The following MCTP1 variants were observed in gnomAD, a reference collection of about 807,000 sequenced individuals.
MCTP1 encodes multiple C2 and transmembrane domain-containing protein 1.
MCTP1 carries 69 observed loss-of-function variants against 120.6 expected under a neutral mutation model. That is an observed-to-expected ratio of 0.57 (90% CI 0.47 to 0.70). The LOEUF is 0.70. Among genes scored for constraint, MCTP1 ranks in the 30% least tolerant of loss-of-function variants. MCTP1 has a pLI of 0.00. For synonymous variants in MCTP1, 529 were observed against 493.1 expected (o/e 1.07, Z -0.96); for missense variants, 1,203 against 1,248.8 (o/e 0.96, Z 0.55).
chr5:94,809,860 G>C (rs1004180347), intron 17 of MCTP1, among the ~76,000 whole-genome samples: 1 of 151,936 alleles, frequency 6.6e-6, no homozygotes, highest in African/African-American at 2.4e-5. Context: ...CTAGTGCCCC[G>C]TTTTCCCAGG....
intron 1 of MCTP1, among the ~76,000 whole-genome samples, chr5:95,129,746 G>A (rs951932600): frequency 8.6e-5 from 13 of 151,858 alleles, no homozygotes; most frequent in African/African-American, 2.9e-4. Context: ...TGCAACCTCC[G>A]CCTTCTGGGT....
At chr5:94,867,506 G>A (rs159034) in intron 17 of MCTP1, 201,699 of 622,276 alleles carry the variant, frequency 0.32, 33,279 homozygotes, top group Non-Finnish European at 0.35. Flanking sequence ...TAATAAAGTC[G>A]TATTCTGCTA....
intron 18 of MCTP1, among the ~76,000 whole-genome samples, chr5:94,787,055 G>C (rs935777415): frequency 6.6e-6 from 1 of 152,090 alleles, no homozygotes; most frequent in Non-Finnish European, 1.5e-5. Flanking sequence ...CCTCTTACCC[G>C]ACATCCTGAG....
chr5:94,830,188 G>A (rs995456592), intron 17 of MCTP1, among the ~76,000 whole-genome samples: 1 of 152,074 alleles, frequency 6.6e-6, no homozygotes, highest in African/African-American at 2.4e-5. Flanking sequence ...TATTTTTCTG[G>A]CCACAGACCA....
chr5:95,113,706 T>G (rs892431288), intron 1 of MCTP1, among the ~76,000 whole-genome samples: 1 of 152,164 alleles, frequency 6.6e-6, no homozygotes, highest in Admixed American at 6.5e-5. Context: ...AAAGGCATTG[T>G]AGGCCACAAG....
At chr5:95,121,324 C>T (rs1192800273) in intron 1 of MCTP1, among the ~76,000 whole-genome samples, 1 of 113,742 alleles carries the variant, frequency 8.8e-6, no homozygotes, top group African/African-American at 3.2e-5. Context: ...ACAAAATCAA[C>T]ATACAAAAAC....
chr5:94,708,221 T>C, intron 22 of MCTP1: 1 of 217,494 alleles, frequency 4.6e-6, no homozygotes, highest in Non-Finnish European at 9.0e-6. Flanking sequence ...TTTCCTCCCC[T>C]CAGGTCATAC....
intron 19 of MCTP1, among the ~76,000 whole-genome samples, chr5:94,725,871 A>G (rs1278557651): frequency 1.3e-5 from 2 of 152,238 alleles, no homozygotes; most frequent in East Asian, 3.8e-4. Flanking sequence ...TCTGGAACAT[A>G]GGAAGTGCTT....
intron 1 of MCTP1, among the ~76,000 whole-genome samples, chr5:95,166,725 G>A (rs377400272): frequency 3.3e-5 from 5 of 151,638 alleles, no homozygotes; most frequent in Admixed American, 1.3e-4. Flanking sequence ...CCACCACCAC[G>A]CCTGGCTAAT....
At chr5:94,983,918 C>T (rs906988090) in intron 2 of MCTP1, among the ~76,000 whole-genome samples, 1 of 152,124 alleles carries the variant, frequency 6.6e-6, no homozygotes, top group African/African-American at 2.4e-5. Flanking sequence ...TATTTTTGGA[C>T]AACTGGCAGT....
chr5:94,919,504 C>T (rs1055040559), intron 7 of MCTP1, among the ~76,000 whole-genome samples: 1 of 152,094 alleles, frequency 6.6e-6, no homozygotes, highest in Non-Finnish European at 1.5e-5. Flanking sequence ...CTGTGTACAA[C>T]CTAATCTTTC....
intron 1 of MCTP1, among the ~76,000 whole-genome samples, chr5:95,227,602 A>G (rs1190138118): frequency 6.6e-6 from 1 of 152,182 alleles, no homozygotes; most frequent in Non-Finnish European, 1.5e-5. Context: ...ATAGTTTATA[A>G]CATCTTCTAG....
chr5:95,038,137 G>A (rs1298078115), intron 1 of MCTP1: 8 of 984,264 alleles, frequency 8.1e-6, no homozygotes, highest in Non-Finnish European at 9.6e-6. Context: ...GATGGAGTAG[G>A]ATCTCATACA....
At chr5:94,863,686 G>T (rs1296246648) in intron 17 of MCTP1, among the ~76,000 whole-genome samples, 3 of 151,814 alleles carry the variant, frequency 2.0e-5, no homozygotes, top group South Asian at 4.1e-4. Flanking sequence ...TCCATATGTT[G>T]TTTAATAGCA....
intron 17 of MCTP1, among the ~76,000 whole-genome samples, chr5:94,850,808 T>C (rs925052768): frequency 6.6e-6 from 1 of 152,124 alleles, no homozygotes; most frequent in Non-Finnish European, 1.5e-5. Context: ...GAACTAATAC[T>C]GATCATTTTA....
At chr5:94,883,631 T>C (rs1165288461) in intron 12 of MCTP1, among the ~76,000 whole-genome samples, 2 of 152,222 alleles carry the variant, frequency 1.3e-5, no homozygotes, top group Admixed American at 1.3e-4. Context: ...ATATTTTATC[T>C]TCTTCCAACA....
chr5:94,945,417 A>G (rs1252456273), intron 3 of MCTP1, among the ~76,000 whole-genome samples: 1 of 152,188 alleles, frequency 6.6e-6, no homozygotes, highest in Non-Finnish European at 1.5e-5. Context: ...ACTGGCTTCA[A>G]TTTCTAGCTC....
chr5:95,080,195 C>T (rs762175461), intron 1 of MCTP1, among the ~76,000 whole-genome samples: 35 of 152,122 alleles, frequency 2.3e-4, no homozygotes, highest in Non-Finnish European at 4.4e-4. Context: ...GGCATGTGTA[C>T]TTTTATGGCT....
Position 94,763,354 on chromosome 5 carries a change from T to C in MCTP1, c.2610+15756A>G, listed in dbSNP as rs1431829991. Among the ~76,000 whole-genome samples the C allele has an allele frequency of 1.6e-4, 24 of 152,224 alleles. 1 individual carries two copies. Among genetic ancestry groups the C allele is most frequent in the Admixed American group, 1.6e-3 (24 of 15,284 alleles). ...AAGCCTTCACAATCTTAAATGTAGATTTCTAGTGTCATTTCCCTCGACTCT... is the reference window on the plus strand; with the variant it reads ...AAGCCTTCACAATCTTAAATGTAGACTTCTAGTGTCATTTCCCTCGACTCT... On this transcript the variant is annotated intron_variant, in intron 19 of 22. Coordinates refer to ENST00000515393, the MANE Select transcript of MCTP1 (RefSeq NM_024717.7).
Sources: gnomAD v4.1 joint callset for allele counts (sites outside exome capture counted in the v4.1 genomes callset) on GRCh38, gnomAD v4.1.1 for gene constraint, MANE v1.5 for transcripts, NCBI Gene and HGNC (gene_info 2026-07-23, HGNC 2026-07-21) for gene names.